SLC7A14: variants seen among roughly 807,000 people sequenced by gnomAD.
SLC7A14 encodes solute carrier family 7 member 14.
SLC7A14 carries 37 observed loss-of-function variants against 60.2 expected under a neutral mutation model. That is an observed-to-expected ratio of 0.61 (90% CI 0.47 to 0.81). The LOEUF (loss-of-function observed/expected upper bound fraction) is 0.81, where lower values mean the gene tolerates loss of function less well. SLC7A14 is among the 30% of genes least tolerant of loss of function. The pLI is 0.00. For missense variants in SLC7A14, 886 were observed against 982.7 expected, an observed-to-expected ratio of 0.90 and a Z score of 1.32; for synonymous variants, 399 against 395.8, an observed-to-expected ratio of 1.01 and a Z score of -0.10.
chr3:170,545,736 T>A (rs1487256936), intron 1 of SLC7A14, among the ~76,000 whole-genome samples: 1 of 152,238 alleles, frequency 6.6e-6, no homozygotes, highest in Non-Finnish European at 1.5e-5. Context: ...CTTCTTCTCC[T>A]GCCAAGAAAA....
chr3:170,467,142 T>C lies in SLC7A14; in HGVS notation c.2229A>G (p.Thr743=). 12 of 1,614,284 alleles carry C rather than the reference T, an allele frequency of 7.4e-6. No homozygotes were observed. The highest frequency in any genetic ancestry group is 1.0e-5 in the Non-Finnish European group (12 of 1,180,058). ...QMSDAKANGR[T]SSKAKSKSKH... ...TGCTTTTGCTCTTCGCTTTGCTACT[T>C]GTCCGGCCGTTTGCCTTCGCATCTG... Residue 743 remains threonine, a synonymous_variant, in exon 8 of 8, where the codon ACA becomes ACG. Transcript: ENST00000231706.
intron 7 of SLC7A14, among the ~76,000 whole-genome samples, chr3:170,469,539 G>C (rs911705315): frequency 3.9e-5 from 6 of 152,160 alleles, no homozygotes; most frequent in African/African-American, 1.2e-4. Context: ...TCCTTGTGTA[G>C]AACAGGGCAT....
rs540849985 is a variant in SLC7A14 at position 170,579,007 on chromosome 3, C to T, written c.-153+6904G>A. On this transcript the variant is annotated intron_variant, in intron 1 of 7. Coordinates refer to ENST00000231706, the MANE Select transcript of SLC7A14 (RefSeq NM_020949.3). The stretch of plus-strand genomic sequence containing the variant: ...GACCATCCTTGACCAGTAGTTCTTT[C>T]ACCTGGAGGTACAAAGGGAAATAAT... 1.4e-4 allele frequency among the ~76,000 whole-genome samples: 22 copies of T among 152,304 alleles called. No homozygotes were observed. The East Asian group carries it at 3.9e-3, about 27-fold the overall frequency.
chr3:170,575,611 A>G (rs1033716895), intron 1 of SLC7A14, among the ~76,000 whole-genome samples: 22 of 152,246 alleles, frequency 1.4e-4, no homozygotes, highest in African/African-American at 5.3e-4. Flanking sequence ...GTTATGCTCA[A>G]TTGATGGCTA....
intron 7 of SLC7A14, among the ~76,000 whole-genome samples, chr3:170,473,921 G>A (rs919370176): frequency 3.0e-4 from 46 of 152,170 alleles, no homozygotes; most frequent in Admixed American, 1.3e-3. Context: ...GCCATGAGAA[G>A]TAATGCAATC....
chr3:170,561,023 C>T (rs1006262335), intron 1 of SLC7A14, among the ~76,000 whole-genome samples: 4 of 152,188 alleles, frequency 2.6e-5, no homozygotes, highest in Admixed American at 1.3e-4. Context: ...CATTAGTGCC[C>T]TTTCCAGGGT....
At chr3:170,539,065 T>C (rs1410266414) in intron 1 of SLC7A14, among the ~76,000 whole-genome samples, 1 of 152,240 alleles carries the variant, frequency 6.6e-6, no homozygotes, top group African/African-American at 2.4e-5. Flanking sequence ...AGCCCTCCAA[T>C]GGTTTTGTAT....
rs755579854 is a variant in SLC7A14 at position 170,572,200 on chromosome 3, A to C, written c.-153+13711T>G. ...ACCTGCAAAGTCATTCTTATTATCC[A>C]TGCACTTGTATAAGATCCATTAGGA... On this transcript the variant is annotated intron_variant, in intron 1 of 7. Transcript: ENST00000231706. 4.1e-4 allele frequency among the ~76,000 whole-genome samples: 63 copies of C among 152,298 alleles called. 1 individual carries two copies. The highest frequency in any genetic ancestry group is 6.8e-3 in the Middle Eastern group (2 of 294).
intron 1 of SLC7A14, among the ~76,000 whole-genome samples, chr3:170,567,966 C>G (rs1345073067): frequency 2.0e-5 from 3 of 151,774 alleles, no homozygotes; most frequent in African/African-American, 7.3e-5. Context: ...GTTGCCTGTT[C>G]ATTCTGATGG....
chr3:170,553,065 C>T (rs1714393057), intron 1 of SLC7A14, among the ~76,000 whole-genome samples: 1 of 152,162 alleles, frequency 6.6e-6, no homozygotes, highest in Non-Finnish European at 1.5e-5. Flanking sequence ...TAGTTGTGCC[C>T]TGCCTTGAGC....
chr3:170,517,903 C>T (rs1010093387), intron 2 of SLC7A14, among the ~76,000 whole-genome samples: 1 of 152,192 alleles, frequency 6.6e-6, no homozygotes, highest in Admixed American at 6.5e-5. Context: ...AGTGTGATGA[C>T]CCTTCATTGC....
chr3:170,531,325 G>A (rs1015193452), intron 1 of SLC7A14, among the ~76,000 whole-genome samples: 8 of 152,076 alleles, frequency 5.3e-5, no homozygotes, highest in African/African-American at 1.9e-4. Flanking sequence ...ACTGTCTGGA[G>A]ATATCTCCTG....
chr3:170,526,887 G>A lies in SLC7A14; in HGVS notation c.50C>T (p.Ala17Val), dbSNP rs758143609. 1 of 1,613,792 alleles carries A rather than the reference G, an allele frequency of 6.2e-7. No individual in the cohort carries two copies. ...SLDPRRVQWG[A>V]AWYAMHSRIL... ...CCTGGAGTGCATTGCATACCAGGCAGCTCCCCACTGCACCCGCCGGGGGTC... is the reference window on the plus strand; with the variant it reads ...CCTGGAGTGCATTGCATACCAGGCAACTCCCCACTGCACCCGCCGGGGGTC... Residue 17 changes from alanine to valine, a missense_variant, in exon 2 of 8, where the codon GCT becomes GTT. By Grantham distance (64) the Ala-to-Val change is moderately conservative (BLOSUM62 0). Transcript: ENST00000231706.
At chr3:170,526,416 GA>G (rs1330282818) in intron 2 of SLC7A14, among the ~76,000 whole-genome samples, 2 of 136,132 alleles carry the variant, frequency 1.5e-5, no homozygotes, top group Non-Finnish European at 1.6e-5. Context: ...AAAGAAGAAA[GA>G]AAGAAAAGAA....
At chr3:170,495,536 C>T (rs994064246) in intron 4 of SLC7A14, 1 of 741,818 alleles carries the variant, frequency 1.3e-6, no homozygotes. Context: ...CTGGTGCCCA[C>T]ATCAGCTCTT....
intron 1 of SLC7A14, among the ~76,000 whole-genome samples, chr3:170,563,279 T>A (rs1296807191): frequency 1.3e-5 from 2 of 152,004 alleles, no homozygotes; most frequent in Non-Finnish European, 2.9e-5. Flanking sequence ...ACATCTGCTG[T>A]CTCATATCTC....
At chr3:170,529,221 C>G (rs1467173163) in intron 1 of SLC7A14, among the ~76,000 whole-genome samples, 5 of 152,142 alleles carry the variant, frequency 3.3e-5, no homozygotes, top group Non-Finnish European at 7.3e-5. Flanking sequence ...CTTTCAGACC[C>G]TTTTCTATGT....
intron 7 of SLC7A14, among the ~76,000 whole-genome samples, chr3:170,475,532 T>C (rs1259717502): frequency 6.6e-6 from 1 of 152,196 alleles, no homozygotes; most frequent in Non-Finnish European, 1.5e-5. Flanking sequence ...GGATATATTT[T>C]ATATATGCAA....
chr3:170,499,153 C>T (rs529269537), intron 3 of SLC7A14, among the ~76,000 whole-genome samples: 17 of 135,656 alleles, frequency 1.3e-4, no homozygotes, highest in South Asian at 5.0e-4. Flanking sequence ...AGGAGAATGG[C>T]GTGAACCTGG....
Sources: allele counts gnomAD v4.1 joint callset (sites outside exome capture counted in the v4.1 genomes callset), GRCh38; gene constraint gnomAD v4.1.1; transcripts MANE v1.5; gene names NCBI Gene and HGNC (gene_info 2026-07-23, HGNC 2026-07-21).